The following NALCN variants were observed in gnomAD, a reference collection of about 807,000 sequenced individuals.
The protein encoded by NALCN is sodium leak channel NALCN.
A neutral mutation model predicts 225.3 loss-of-function variants in NALCN; 111 were observed. The ratio of observed to expected loss-of-function variants is 0.49; its 90% confidence interval spans 0.42 to 0.58. NALCN has a LOEUF of 0.58. Ranked by LOEUF, NALCN falls within the 20% of genes least tolerant of loss-of-function variation. The pLI is 0.00. For synonymous variants in NALCN, 764 were observed against 769.0 expected, an observed-to-expected ratio of 0.99 and a Z score of 0.11; for missense variants, 1,378 against 2,202.4, an observed-to-expected ratio of 0.63 and a Z score of 7.49.
At chr13:101,153,552 G>A (rs1379441023) in intron 15 of NALCN, among the ~76,000 whole-genome samples, 1 of 152,090 alleles carries the variant, frequency 6.6e-6, no homozygotes, top group Non-Finnish European at 1.5e-5. Flanking sequence ...GCTATTTAAG[G>A]TTGCTTCTTC....
At chr13:101,347,360 C>T (rs2045773447) in intron 6 of NALCN, among the ~76,000 whole-genome samples, 1 of 152,086 alleles carries the variant, frequency 6.6e-6, no homozygotes. Context: ...TTAAGCTGGT[C>T]CTTTGGACCC....
intron 10 of NALCN, among the ~76,000 whole-genome samples, chr13:101,262,707 T>C (rs1429611100): frequency 6.6e-6 from 1 of 152,168 alleles, no homozygotes; most frequent in Non-Finnish European, 1.5e-5. Context: ...GCACTGCCAA[T>C]GTCTCCATGA....
At chr13:101,208,878 C>T (rs960951814) in intron 13 of NALCN, among the ~76,000 whole-genome samples, 1 of 152,230 alleles carries the variant, frequency 6.6e-6, no homozygotes, top group African/African-American at 2.4e-5. Flanking sequence ...TGGTGCTACA[C>T]TTCCTGTACA....
At chr13:101,271,922 T>C (rs764011171) in intron 10 of NALCN, among the ~76,000 whole-genome samples, 37 of 151,642 alleles carry the variant, frequency 2.4e-4, no homozygotes, top group Non-Finnish European at 4.7e-4. Flanking sequence ...TGTGTCACTG[T>C]GTGTATGTAC....
At position 101,345,435 on chromosome 13, in the gene NALCN, T is replaced by G. The variant is rs1268366926; in HGVS notation, c.645-15A>C. On this transcript the variant is annotated splice_polypyrimidine_tract_variant and intron_variant, in intron 6 of 43. Transcript: ENST00000251127. The stretch of plus-strand genomic sequence containing the variant: ...AGGTTACATTCCTGTGAACAACACA[T>G]GAAAGTGTTAGACAATTTCAACAAT... 4 of 1,609,148 alleles carry G rather than the reference T, an allele frequency of 2.5e-6. No homozygotes were observed. In the African/African-American group the frequency reaches 4.0e-5, roughly 16 times the overall value.
chr13:101,161,842 A>T (rs1476340413), intron 15 of NALCN, among the ~76,000 whole-genome samples: 2 of 152,238 alleles, frequency 1.3e-5, no homozygotes, highest in Admixed American at 6.5e-5. Context: ...ACTGCACTCC[A>T]GCCTGGGTGA....
chr13:101,072,687 C>T (rs761054213), intron 37 of NALCN, among the ~76,000 whole-genome samples: 5 of 152,206 alleles, frequency 3.3e-5, no homozygotes, highest in Non-Finnish European at 5.9e-5. Context: ...GTAAGAAAGA[C>T]ATAGGCGGCC....
At position 101,104,938 on chromosome 13, in the gene NALCN, G is replaced by T; in HGVS notation, c.2592C>A (p.Asp864Glu). 1.9e-6 allele frequency: 3 copies of T among 1,613,558 alleles called. No individual in the cohort carries two copies. The highest frequency in any genetic ancestry group is 2.5e-6 in the Non-Finnish European group (3 of 1,179,662). ...TATTTTTCACAGCTCCTGTGACAGG[G>T]TCTGTTTTAGATCTGTAAGAGAACA... The part of the protein sequence containing the change: ...VRARFNASKT[D>E]PVTGAVKNTK... Residue 864 changes from aspartate (D) to glutamate (E), a missense_variant, in exon 23 of 44, where the codon GAC (aspartate) becomes GAA (glutamate). By Grantham distance (45) the Asp-to-Glu change is conservative (BLOSUM62 2). This residue lies in a region of NALCN where 292 missense variants were observed against 409.5 expected (regional missense o/e 0.71). Transcript: ENST00000251127. This position sits in a 1 kb window ranked among gnomAD's most constrained non-coding sequence, Gnocchi z 4.2.
chr13:101,175,386 A>C (rs1441246091), intron 15 of NALCN, among the ~76,000 whole-genome samples: 11 of 152,272 alleles, frequency 7.2e-5, no homozygotes, highest in Middle Eastern at 3.4e-3. Context: ...AATAGGTTAT[A>C]CTTTTTGCTT....
intron 13 of NALCN, among the ~76,000 whole-genome samples, chr13:101,226,084 G>A (rs570613911): frequency 3.3e-5 from 5 of 152,086 alleles, no homozygotes; most frequent in African/African-American, 1.2e-4. Context: ...GCAGGAGATC[G>A]TCGTCTTGGA....
chr13:101,148,436 T>C (rs924905741), intron 15 of NALCN, among the ~76,000 whole-genome samples: 2 of 152,218 alleles, frequency 1.3e-5, no homozygotes, highest in African/African-American at 2.4e-5. Flanking sequence ...TGCCAAACAC[T>C]GGACCATCCA....
At chr13:101,184,118 G>A (rs1413946353) in intron 14 of NALCN, among the ~76,000 whole-genome samples, 1 of 152,138 alleles carries the variant, frequency 6.6e-6, no homozygotes, top group Non-Finnish European at 1.5e-5. Flanking sequence ...CAATGAAAAA[G>A]TGGAGAATAA....
At chr13:101,072,172 CA>C (rs1448653810) in intron 37 of NALCN, among the ~76,000 whole-genome samples, 1 of 152,100 alleles carries the variant, frequency 6.6e-6, no homozygotes, top group Non-Finnish European at 1.5e-5. Flanking sequence ...TGAGAATTAC[CA>C]AAATGTGATA....
chr13:101,351,201 A>C (rs1050874061), intron 6 of NALCN, among the ~76,000 whole-genome samples: 3 of 152,174 alleles, frequency 2.0e-5, no homozygotes, highest in African/African-American at 7.2e-5. Context: ...CTCTTTAATA[A>C]GTGGATCCTG....
chr13:101,194,432 C>T (rs143653470), intron 13 of NALCN, among the ~76,000 whole-genome samples: 1 of 152,104 alleles, frequency 6.6e-6, no homozygotes, highest in Non-Finnish European at 1.5e-5. Context: ...TGAAAATTAA[C>T]TTGTGTCTTG....
chr13:101,187,342 G>C (rs968753418), intron 14 of NALCN, among the ~76,000 whole-genome samples: 1 of 152,016 alleles, frequency 6.6e-6, no homozygotes, highest in African/African-American at 2.4e-5. Flanking sequence ...TATCTACTGG[G>C]AATCTTGGAA....
intron 15 of NALCN, 81 bp from the exon 16 acceptor site, chr13:101,144,977 G>A (rs2037276497): frequency 7.0e-7 from 1 of 1,427,106 alleles, no homozygotes; most frequent in Non-Finnish European, 9.3e-7. Context: ...GTTTTAGAAT[G>A]GAAGCAATAA....
intron 7 of NALCN, among the ~76,000 whole-genome samples, chr13:101,317,914 A>C (rs2044609878): frequency 6.6e-6 from 1 of 152,176 alleles, no homozygotes; most frequent in Non-Finnish European, 1.5e-5. Flanking sequence ...CTTATTTTTT[A>C]ACGTATTGAA....
chr13:101,363,757 C>T (rs943225839), intron 6 of NALCN, among the ~76,000 whole-genome samples: 11 of 151,972 alleles, frequency 7.2e-5, no homozygotes, highest in African/African-American at 1.7e-4. Flanking sequence ...CTCAAAACTT[C>T]GGCACAGCAA....
Sources: allele counts gnomAD v4.1 joint callset (sites outside exome capture counted in the v4.1 genomes callset), GRCh38; gene constraint gnomAD v4.1.1; regional missense constraint gnomAD v4.1.1; non-coding constraint Gnocchi (gnomAD v3.1); transcripts MANE v1.5; gene names NCBI Gene and HGNC (gene_info 2026-07-23, HGNC 2026-07-21).